ITPK1: variants seen among roughly 807,000 people sequenced by gnomAD.
ITPK1 encodes the protein inositol 1,3,4-trisphosphate 5/6-kinase.
Under a neutral mutation model 45.3 loss-of-function variants are expected in ITPK1, and 21 were observed. That is an observed-to-expected ratio of 0.46 (90% CI 0.33 to 0.67). The LOEUF is 0.67. Ranked by LOEUF, ITPK1 falls within the 30% of genes least tolerant of loss-of-function variation. The pLI, the probability that ITPK1 is intolerant of heterozygous loss-of-function variation, is 0.02. For missense variants in ITPK1, 474 were observed against 573.5 expected (o/e 0.83, Z 1.77); for synonymous variants, 258 against 253.6 (o/e 1.02, Z -0.16).
rs1888075254 is a variant in ITPK1 at position 93,014,463 on chromosome 14, G to C, written c.246+2213C>G. Among the ~76,000 whole-genome samples, 1 of 152,178 alleles carries C rather than the reference G, an allele frequency of 6.6e-6. No homozygotes were observed. The highest frequency in any genetic ancestry group is 1.5e-5 in the Non-Finnish European group (1 of 68,024). On this transcript the variant is annotated intron_variant, in intron 4 of 10. Transcript: ENST00000267615. This position sits in a 1 kb window ranked among gnomAD's most constrained non-coding sequence, Gnocchi z 4.4. ...CTGGGAGATGTGGTCTCTAGGAAGA[G>C]CAACCGTGTGGGTGTGATGAAGTGG...
chr14:93,023,480 G>A (rs1423132117), intron 3 of ITPK1, among the ~76,000 whole-genome samples: 1 of 152,192 alleles, frequency 6.6e-6, no homozygotes, highest in Non-Finnish European at 1.5e-5. Context: ...ACGGTTTTCA[G>A]CTAAGATTCT....
chr14:92,988,964 C>A (rs773926161), intron 5 of ITPK1, among the ~76,000 whole-genome samples: 1 of 152,052 alleles, frequency 6.6e-6, no homozygotes. Flanking sequence ...GGAGGGGTGG[C>A]GGTGGCAATG....
chr14:93,095,355 T>G (rs1375505607), intron 2 of ITPK1, among the ~76,000 whole-genome samples: 1 of 152,258 alleles, frequency 6.6e-6, no homozygotes, highest in Non-Finnish European at 1.5e-5. Flanking sequence ...AGTGCTTTTT[T>G]TATCCTACAG....
At chr14:93,031,300 T>C (rs930683630) in intron 3 of ITPK1, among the ~76,000 whole-genome samples, 4 of 151,912 alleles carry the variant, frequency 2.6e-5, no homozygotes, top group African/African-American at 7.3e-5. Flanking sequence ...GGGGGCACGA[T>C]TGGAGTCAGT....
At chr14:93,044,694 G>A (rs1241928802) in intron 3 of ITPK1, among the ~76,000 whole-genome samples, 1 of 152,186 alleles carries the variant, frequency 6.6e-6, no homozygotes, top group Non-Finnish European at 1.5e-5. Context: ...AGGTGGGACA[G>A]TGGCCCAGCG....
At chr14:92,995,972 C>G (rs1398273965) in intron 4 of ITPK1, among the ~76,000 whole-genome samples, 1 of 152,236 alleles carries the variant, frequency 6.6e-6, no homozygotes. Context: ...CCTCTTGGCA[C>G]CATTCCGTCA....
At chr14:93,033,466 G>A (rs1889162005) in intron 3 of ITPK1, among the ~76,000 whole-genome samples, 1 of 152,164 alleles carries the variant, frequency 6.6e-6, no homozygotes, top group Admixed American at 6.5e-5. Context: ...GGCCAGCCCT[G>A]CTGAGCACAG....
At chr14:92,959,504 G>A (rs1884938928) in intron 7 of ITPK1, among the ~76,000 whole-genome samples, 1 of 152,344 alleles carries the variant, frequency 6.6e-6, no homozygotes, top group South Asian at 2.1e-4. Flanking sequence ...TTGGGGGGCA[G>A]TGAACATCTC....
At position 93,076,581 on chromosome 14, in the gene ITPK1, C is replaced by T. The variant is rs774045015; in HGVS notation, c.120+14G>A. ...CACTACCCAAAGAACCACGGGGACG[C>T]GGTCTGTACTCACCTGCACAACCTC... On this transcript the variant is annotated intron_variant, in intron 3 of 10. Transcript: ENST00000267615. This position sits in a 1 kb window ranked among gnomAD's most constrained non-coding sequence, Gnocchi z 4.3. 58 of 1,613,940 alleles carry T rather than the reference C, an allele frequency of 3.6e-5. No individual in the cohort carries two copies. The highest frequency in any genetic ancestry group is 4.3e-5 in the Non-Finnish European group (51 of 1,179,948).
intron 3 of ITPK1, among the ~76,000 whole-genome samples, chr14:93,018,844 G>A (rs945684171): frequency 2.0e-5 from 3 of 152,206 alleles, no homozygotes; most frequent in South Asian, 2.1e-4. Context: ...TGCAGGTGAA[G>A]CGGCCAGGAT....
At chr14:92,992,624 G>A (rs1886842516) in intron 5 of ITPK1, among the ~76,000 whole-genome samples, 1 of 152,196 alleles carries the variant, frequency 6.6e-6, no homozygotes, top group African/African-American at 2.4e-5. Context: ...ACATTCCTCA[G>A]AGAGGGAACC....
At chr14:93,010,979 G>A (rs971225934) in intron 4 of ITPK1, among the ~76,000 whole-genome samples, 4 of 151,998 alleles carry the variant, frequency 2.6e-5, no homozygotes, top group South Asian at 2.1e-4. Context: ...TTACACACAC[G>A]TGCACCATTC....
intron 5 of ITPK1, among the ~76,000 whole-genome samples, chr14:92,980,765 T>C (rs1322594690): frequency 2.0e-5 from 3 of 152,160 alleles, no homozygotes; most frequent in Non-Finnish European, 2.9e-5. Flanking sequence ...AACCTCCGCC[T>C]CCCAGGTTCA....
At chr14:93,072,756 A>G (rs1205933176) in intron 3 of ITPK1, among the ~76,000 whole-genome samples, 1 of 151,906 alleles carries the variant, frequency 6.6e-6, no homozygotes, top group East Asian at 1.9e-4. Flanking sequence ...ATACACCACC[A>G]CACCCAACTA....
intron 3 of ITPK1, among the ~76,000 whole-genome samples, chr14:93,017,845 C>T (rs781182694): frequency 1.1e-4 from 17 of 152,268 alleles, no homozygotes; most frequent in East Asian, 1.9e-4. Flanking sequence ...GTGGGCACCA[C>T]GCTCAAAGCT....
intron 8 of ITPK1, among the ~76,000 whole-genome samples, chr14:92,954,602 G>A (rs1299255472): frequency 1.3e-5 from 2 of 152,192 alleles, no homozygotes; most frequent in East Asian, 3.8e-4. Context: ...GAATGTGTGT[G>A]TTTTCTTCTC....
At chr14:92,942,045 G>A (rs1244262501) in intron 10 of ITPK1, 141 bp from the exon 11 acceptor site, 2 of 744,830 alleles carry the variant, frequency 2.7e-6, no homozygotes, top group South Asian at 1.8e-5. Flanking sequence ...GAGAAAACGT[G>A]AGGCTCAGCA....
intron 4 of ITPK1, among the ~76,000 whole-genome samples, chr14:93,000,881 G>T (rs1045971879): frequency 6.7e-6 from 1 of 148,886 alleles, no homozygotes; most frequent in Non-Finnish European, 1.5e-5. Context: ...TGAGGCAGGA[G>T]AATCACTTGA....
rs554188937 is a variant in ITPK1 at position 92,987,257 on chromosome 14, G to A, written c.364+6623C>T. Among the ~76,000 whole-genome samples the A allele has an allele frequency of 5.9e-5, 9 of 152,346 alleles. No homozygotes were observed. The East Asian group carries it at 9.7e-4, about 16-fold the overall frequency. On this transcript the variant is annotated intron_variant, in intron 5 of 10. Coordinates refer to ENST00000267615, the MANE Select transcript of ITPK1 (RefSeq NM_014216.6). ...GAGGAGATGGCACAGAAAGGGCTGC[G>A]AGTAGGCCTGTGGGCCTGATGTGGA...
Sources: gnomAD v4.1 joint callset for allele counts (sites outside exome capture counted in the v4.1 genomes callset) on GRCh38, gnomAD v4.1.1 for gene constraint, Gnocchi (gnomAD v3.1) non-coding constraint, MANE v1.5 for transcripts, NCBI Gene and HGNC (gene_info 2026-07-23, HGNC 2026-07-21) for gene names.